EYS: variants seen among roughly 807,000 people sequenced by gnomAD.
EYS encodes protein eyes shut homolog.
Under a neutral mutation model 282.1 loss-of-function variants are expected in EYS, and 250 were observed. That is an observed-to-expected ratio of 0.89 (90% CI 0.80 to 0.98). The LOEUF (loss-of-function observed/expected upper bound fraction) is 0.98, where lower values mean the gene tolerates loss of function less well. Ranked by LOEUF, EYS falls within the 50% of genes least tolerant of loss-of-function variation. The probability of loss-of-function intolerance (pLI) is 0.00; values close to 1 mark genes in which losing one functional copy is unlikely to be tolerated. For synonymous variants in EYS, 1,355 were observed against 1,282.9 expected (o/e 1.06, Z -1.20); for missense variants, 4,016 against 3,709.0 (o/e 1.08, Z -2.15).
intron 29 of EYS, among the ~76,000 whole-genome samples, chr6:64,366,882 GT>G (rs2150411404): frequency 6.6e-6 from 1 of 152,150 alleles, no homozygotes; most frequent in Non-Finnish European, 1.5e-5. Context: ...AGTTCTTTTA[GT>G]TGATTATGAC....
At chr6:64,757,906 T>G (rs1389506525) in intron 22 of EYS, among the ~76,000 whole-genome samples, 3 of 152,050 alleles carry the variant, frequency 2.0e-5, no homozygotes, top group African/African-American at 7.2e-5. Flanking sequence ...TGCCTCAGCC[T>G]CCTGAGTAGC....
intron 29 of EYS, among the ~76,000 whole-genome samples, chr6:64,320,804 T>G (rs1304264590): frequency 6.6e-6 from 1 of 151,878 alleles, no homozygotes; most frequent in Non-Finnish European, 1.5e-5. Flanking sequence ...GATTTTTCCC[T>G]GTATTCCAAT....
chr6:65,621,868 T>A (rs1283178657), intron 2 of EYS, among the ~76,000 whole-genome samples: 2 of 152,196 alleles, frequency 1.3e-5, no homozygotes, highest in East Asian at 3.8e-4. Context: ...ATACAGATAA[T>A]CATAGCATTC....
At chr6:64,261,138 T>G (rs1488253777) in intron 30 of EYS, among the ~76,000 whole-genome samples, 1 of 152,040 alleles carries the variant, frequency 6.6e-6, no homozygotes, top group African/African-American at 2.4e-5. Context: ...TAACTGCATT[T>G]TTGTTCCCAT....
intron 35 of EYS, among the ~76,000 whole-genome samples, chr6:63,898,622 T>G (rs1773591789): frequency 6.6e-6 from 1 of 152,146 alleles, no homozygotes; most frequent in African/African-American, 2.4e-5. Flanking sequence ...TGATAGTGTT[T>G]ATTCTTAATC....
chr6:65,231,117 A>ATATATATATACTTTTATATATATGTATT (rs1562037966), intron 12 of EYS, among the ~76,000 whole-genome samples: 12 of 128,834 alleles, frequency 9.3e-5, no homozygotes, highest in East Asian at 6.2e-4. Context: ...ATATGTATTT[A>ATATATATATACTTTTATATATATGTATT]TATATATATA....
chr6:64,030,888 C>G (rs911816874), intron 33 of EYS, among the ~76,000 whole-genome samples: 18 of 152,242 alleles, frequency 1.2e-4, no homozygotes, highest in Admixed American at 5.9e-4. Flanking sequence ...GAGGACACTA[C>G]AACTGCAGGG....
chr6:64,061,949 A>T (rs1290048922), intron 33 of EYS, among the ~76,000 whole-genome samples: 2 of 151,316 alleles, frequency 1.3e-5, no homozygotes, highest in African/African-American at 2.4e-5. Context: ...CGTGGGCAAC[A>T]GAGCGAGACT....
intron 8 of EYS, among the ~76,000 whole-genome samples, chr6:65,377,885 A>T (rs1372705601): frequency 6.6e-6 from 1 of 152,092 alleles, no homozygotes; most frequent in East Asian, 1.9e-4. Flanking sequence ...AGACCAATAA[A>T]AAGTTCTGAA....
chr6:65,135,508 G>A (rs1333118855), intron 12 of EYS, among the ~76,000 whole-genome samples: 1 of 151,874 alleles, frequency 6.6e-6, no homozygotes, highest in African/African-American at 2.4e-5. Flanking sequence ...CAAGTTTATA[G>A]TTTATAAAGA....
At chr6:64,612,890 C>T (rs1297346765) in intron 24 of EYS, among the ~76,000 whole-genome samples, 10 of 151,928 alleles carry the variant, frequency 6.6e-5, no homozygotes, top group South Asian at 6.2e-4. Flanking sequence ...GAAAAAAGTG[C>T]CATTTTTCTG....
chr6:64,685,578 G>A (rs926613861), intron 22 of EYS, among the ~76,000 whole-genome samples: 2 of 152,258 alleles, frequency 1.3e-5, no homozygotes, highest in African/African-American at 4.8e-5. Context: ...CTCTTGCCAT[G>A]TGATCTCTGC....
chr6:64,175,619 A>G (rs941923848), intron 31 of EYS, among the ~76,000 whole-genome samples: 2 of 152,214 alleles, frequency 1.3e-5, no homozygotes, highest in East Asian at 3.9e-4. Context: ...GCCAGGGCAT[A>G]AAGAACACTG....
At chr6:64,229,667 A>G (rs1262777459) in intron 31 of EYS, among the ~76,000 whole-genome samples, 4 of 152,126 alleles carry the variant, frequency 2.6e-5, no homozygotes, top group African/African-American at 7.2e-5. Flanking sequence ...TTAAACATTC[A>G]CAGTCACACA....
At chr6:64,679,944 A>G (rs912165349) in intron 22 of EYS, among the ~76,000 whole-genome samples, 2 of 152,124 alleles carry the variant, frequency 1.3e-5, no homozygotes, top group Admixed American at 6.6e-5. Context: ...CTTTACTCTT[A>G]TCTCTTCTAC....
intron 35 of EYS, among the ~76,000 whole-genome samples, chr6:63,921,110 A>G (rs1764562647): frequency 6.6e-6 from 1 of 152,094 alleles, no homozygotes; most frequent in South Asian, 2.1e-4. Flanking sequence ...GTTAACCAGG[A>G]TGGTCTCACT....
chr6:65,610,430 T>C (rs1765956742), intron 2 of EYS, among the ~76,000 whole-genome samples: 1 of 152,146 alleles, frequency 6.6e-6, no homozygotes, highest in African/African-American at 2.4e-5. Context: ...AGATAAATTT[T>C]GTTCCATCAT....
At chr6:65,270,862 G>T (rs775286765) in intron 12 of EYS, among the ~76,000 whole-genome samples, 1 of 151,658 alleles carries the variant, frequency 6.6e-6, no homozygotes, top group Non-Finnish European at 1.5e-5. Flanking sequence ...CAGCCATAAT[G>T]CAGTGTTCTA....
chr6:64,672,034 A>T (rs893184759), intron 22 of EYS, among the ~76,000 whole-genome samples: 2 of 152,182 alleles, frequency 1.3e-5, no homozygotes, highest in African/African-American at 4.8e-5. Context: ...TGAATATGGC[A>T]TTTTATTACT....
Sources: allele counts gnomAD v4.1 joint callset (sites outside exome capture counted in the v4.1 genomes callset), GRCh38; gene constraint gnomAD v4.1.1; transcripts MANE v1.5; gene names NCBI Gene and HGNC (gene_info 2026-07-23, HGNC 2026-07-21).